NAALADL2: variants seen among roughly 807,000 people sequenced by gnomAD.
NAALADL2 encodes the protein inactive N-acetylated-alpha-linked acidic dipeptidase-like protein 2.
Under a neutral mutation model 87.2 loss-of-function variants are expected in NAALADL2, and 76 were observed. That is an observed-to-expected ratio of 0.87 (90% CI 0.72 to 1.05). NAALADL2 has a LOEUF of 1.05. Among genes scored for constraint, NAALADL2 ranks in the 50% least tolerant of loss-of-function variants. NAALADL2 has a pLI of 0.00. For synonymous variants in NAALADL2, 354 were observed against 331.0 expected (o/e 1.07, Z -0.75); for missense variants, 1,089 against 945.8 (o/e 1.15, Z -1.99).
At position 174,481,872 on chromosome 3, in the gene NAALADL2, T is replaced by C. The variant is rs935601043; in HGVS notation, c.-184+40840T>C. Reference sequence around the variant, plus strand: ...TAGAGACTCAGTACCCAGGTTTTTATTGGGGGCTGGTCATGTCAGCATCCT... The same window carrying C: ...TAGAGACTCAGTACCCAGGTTTTTACTGGGGGCTGGTCATGTCAGCATCCT... On this transcript the variant is annotated intron_variant, in intron 1 of 3. Transcript: ENST00000434257. 4.6e-5 allele frequency among the ~76,000 whole-genome samples: 7 copies of C among 152,184 alleles called. No individual in the cohort carries two copies. The East Asian group carries it at 7.8e-4, about 17-fold the overall frequency.
intron 2 of NAALADL2, among the ~76,000 whole-genome samples, chr3:174,646,215 T>G (rs1723765407): frequency 6.6e-6 from 1 of 152,156 alleles, no homozygotes; most frequent in South Asian, 2.1e-4. Flanking sequence ...AAAAAATTCT[T>G]GAGCAGGACC....
Position 174,502,575 on chromosome 3 carries a change from G to C in NAALADL2, c.-183-47994G>C, listed in dbSNP as rs891909065. On this transcript the variant is annotated intron_variant, in intron 1 of 3. Coordinates refer to the NAALADL2 transcript ENST00000434257. ...TTTTATTAGTCAGTTATTTTCATTT[G>C]AATATTTATGTATTATTCAGATATA... Among the ~76,000 whole-genome samples, 7 of 152,044 alleles carry C rather than the reference G, an allele frequency of 4.6e-5. No homozygotes were observed. In the South Asian group the frequency reaches 1.5e-3, roughly 32 times the overall value.
intron 3 of NAALADL2, among the ~76,000 whole-genome samples, chr3:174,843,718 A>G (rs1724276597): frequency 6.6e-6 from 1 of 152,116 alleles, no homozygotes; most frequent in African/African-American, 2.4e-5. Flanking sequence ...GGTAATGGCC[A>G]TTCTAACTAG....
intron 11 of NAALADL2, among the ~76,000 whole-genome samples, chr3:175,634,138 G>T (rs1728186391): frequency 6.6e-6 from 1 of 151,742 alleles, no homozygotes; most frequent in Non-Finnish European, 1.5e-5. Context: ...AAGGTTAATG[G>T]TGGGGTCATC....
rs572570652 is a variant in NAALADL2 at position 175,639,442 on chromosome 3, T to C, written c.1896+12056T>C. ...TTCACACCATTCTCCTGCCTCAGTC[T>C]CCCGAGTAGCTGGGACTACAGGTGC... On this transcript the variant is annotated intron_variant, in intron 11 of 13. Coordinates refer to ENST00000454872, the MANE Select transcript of NAALADL2 (RefSeq NM_207015.3). 4.7e-5 allele frequency among the ~76,000 whole-genome samples: 7 copies of C among 149,310 alleles called. No homozygotes were observed. The South Asian group carries it at 8.7e-4, about 18-fold the overall frequency.
intron 2 of NAALADL2, among the ~76,000 whole-genome samples, chr3:174,715,229 A>G (rs988202395): frequency 2.0e-5 from 3 of 152,140 alleles, no homozygotes; most frequent in African/African-American, 7.2e-5. Context: ...CTATTTTTTT[A>G]GGCTAGTTCT....
intron 1 of NAALADL2, among the ~76,000 whole-genome samples, chr3:174,530,244 C>T (rs1370088383): frequency 6.6e-6 from 1 of 152,180 alleles, no homozygotes; most frequent in East Asian, 1.9e-4. Context: ...ATGCACCAGT[C>T]TCTTTGCTAA....
At chr3:174,506,183 CTTT>C (rs58179047) in intron 1 of NAALADL2, among the ~76,000 whole-genome samples, 11 of 141,032 alleles carry the variant, frequency 7.8e-5, no homozygotes, top group South Asian at 2.3e-4. Flanking sequence ...TGGTTTATAT[CTTT>C]TTTTTTTTTT....
intron 4 of NAALADL2, among the ~76,000 whole-genome samples, chr3:175,265,748 AAT>A (rs1171398489): frequency 2.6e-5 from 4 of 151,678 alleles, no homozygotes; most frequent in African/African-American, 7.2e-5. Flanking sequence ...GAAATCAATC[AAT>A]GTCTTATTTT....
intron 13 of NAALADL2, among the ~76,000 whole-genome samples, chr3:175,787,717 C>T (rs528026763): frequency 3.9e-5 from 6 of 152,128 alleles, no homozygotes; most frequent in Non-Finnish European, 7.4e-5. Flanking sequence ...TGTTCCTATC[C>T]GGCCATCTTG....
chr3:174,819,058 CTTTTTTTTTTTTTTT>C lies in NAALADL2; in HGVS notation c.-9+81326_-9+81340del, dbSNP rs3040106. Among the ~76,000 whole-genome samples the C allele has an allele frequency of 8.4e-5, 4 of 47,536 alleles. 1 individual carries two copies. Among genetic ancestry groups the C allele is most frequent in the Non-Finnish European group, 1.6e-4 (4 of 25,122 alleles). The allele number at this position is 47,536 out of a possible 152,430, so 31.2% of individuals were successfully genotyped here. On this transcript the variant is annotated intron_variant, in intron 3 of 3. Coordinates refer to the NAALADL2 transcript ENST00000434257. Reference sequence around the variant, plus strand: ...GAATTTCTTTATTATACCATTTATTCTTTTTTTTTTTTTTTTTTTTTTTTTTTTGGAGACAGGATT... The same window carrying C: ...GAATTTCTTTATTATACCATTTATTCTTTTTTTTTTTTTGGAGACAGGATT...
intron 2 of NAALADL2, among the ~76,000 whole-genome samples, chr3:175,217,249 A>T (rs558857733): frequency 1.3e-5 from 2 of 152,324 alleles, no homozygotes; most frequent in South Asian, 4.1e-4. Flanking sequence ...ATGCATATAA[A>T]AATCAAGACA....
intron 11 of NAALADL2, among the ~76,000 whole-genome samples, chr3:175,732,801 T>C (rs1458753139): frequency 1.3e-5 from 2 of 151,890 alleles, no homozygotes; most frequent in Non-Finnish European, 2.9e-5. Flanking sequence ...GTTGGTAAAT[T>C]TGGGAGAAAA....
At chr3:175,796,474 G>A (rs1362229798) in intron 13 of NAALADL2, among the ~76,000 whole-genome samples, 2 of 152,148 alleles carry the variant, frequency 1.3e-5, no homozygotes, top group Non-Finnish European at 2.9e-5. Flanking sequence ...GCTTTTGCTA[G>A]TATAGAACAA....
At chr3:174,828,958 G>T (rs1268488398) in intron 3 of NAALADL2, among the ~76,000 whole-genome samples, 1 of 152,128 alleles carries the variant, frequency 6.6e-6, no homozygotes, top group Admixed American at 6.5e-5. Context: ...ATTTTGTGAA[G>T]CTTGTAACAA....
chr3:174,952,976 G>C (rs559708367), intron 1 of NAALADL2, among the ~76,000 whole-genome samples: 13 of 152,060 alleles, frequency 8.5e-5, no homozygotes, highest in African/African-American at 2.9e-4. Flanking sequence ...TCTCCTTAGG[G>C]GAAATTAGTG....
At chr3:175,525,956 T>A (rs1203814974) in intron 9 of NAALADL2, among the ~76,000 whole-genome samples, 2 of 152,204 alleles carry the variant, frequency 1.3e-5, no homozygotes, top group Non-Finnish European at 2.9e-5. Context: ...CCAAGTTCCG[T>A]TGGGAAAGTA....
At chr3:175,732,353 G>A (rs1164726435) in intron 11 of NAALADL2, among the ~76,000 whole-genome samples, 1 of 152,162 alleles carries the variant, frequency 6.6e-6, no homozygotes, top group Admixed American at 6.6e-5. Context: ...GAGAGATGGG[G>A]AATTTAGACC....
intron 1 of NAALADL2, among the ~76,000 whole-genome samples, chr3:174,511,768 T>C (rs1159960317): frequency 1.3e-5 from 2 of 151,988 alleles, no homozygotes; most frequent in Non-Finnish European, 2.9e-5. Context: ...AAAATGGACA[T>C]ATTTTATGAT....
Sources: allele counts gnomAD v4.1 joint callset (sites outside exome capture counted in the v4.1 genomes callset), GRCh38; gene constraint gnomAD v4.1.1; transcripts MANE v1.5; gene names NCBI Gene and HGNC (gene_info 2026-07-23, HGNC 2026-07-21).